The following NEGR1 variants were observed in gnomAD, a reference collection of about 807,000 sequenced individuals.
The protein encoded by NEGR1 is IgLON family member 4.
A neutral mutation model predicts 40.9 loss-of-function variants in NEGR1; 10 were observed. That is an observed-to-expected ratio of 0.24 (90% confidence interval 0.15 to 0.42). NEGR1 has a LOEUF of 0.42. Among genes scored for constraint, NEGR1 ranks in the 10% least tolerant of loss-of-function variants. NEGR1 has a pLI of 1.00. For synonymous variants in NEGR1, 185 were observed against 166.8 expected (o/e 1.11, Z -0.84); for missense variants, 352 against 438.9 (o/e 0.80, Z 1.77).
chr1:72,144,459 TG>T (rs1214034090), intron 1 of NEGR1, among the ~76,000 whole-genome samples: 2 of 93,448 alleles, frequency 2.1e-5, no homozygotes, highest in Non-Finnish European at 5.8e-5. Context: ...ACTACATATA[TG>T]CACATAAACT....
intron 1 of NEGR1, among the ~76,000 whole-genome samples, chr1:72,257,148 C>G (rs889897696): frequency 6.6e-6 from 1 of 151,712 alleles, no homozygotes; most frequent in African/African-American, 2.4e-5. Flanking sequence ...CGGTGAAACC[C>G]CGTCTCTACT....
At chr1:72,117,895 G>A (rs1391492628) in intron 1 of NEGR1, among the ~76,000 whole-genome samples, 2 of 151,656 alleles carry the variant, frequency 1.3e-5, no homozygotes, top group East Asian at 1.9e-4. Flanking sequence ...GTGGTGAAAA[G>A]TATGGCAAAG....
At chr1:72,156,412 T>C (rs1208789969) in intron 1 of NEGR1, among the ~76,000 whole-genome samples, 1 of 152,152 alleles carries the variant, frequency 6.6e-6, no homozygotes, top group Admixed American at 6.6e-5. Flanking sequence ...ACCACATTTT[T>C]GAAAGCAGTA....
chr1:71,792,392 T>C (rs1197509980), intron 2 of NEGR1, among the ~76,000 whole-genome samples: 1 of 152,166 alleles, frequency 6.6e-6, no homozygotes, highest in East Asian at 1.9e-4. Flanking sequence ...GATGGAAATA[T>C]GTTTCTCAGT....
chr1:71,752,248 T>C (rs2101688900), intron 3 of NEGR1, among the ~76,000 whole-genome samples: 1 of 152,320 alleles, frequency 6.6e-6, no homozygotes, highest in Middle Eastern at 3.4e-3. Flanking sequence ...AACATTTTCT[T>C]ACTTGCAGGC....
intron 2 of NEGR1, among the ~76,000 whole-genome samples, chr1:71,830,083 G>T (rs1269964927): frequency 6.6e-6 from 1 of 151,822 alleles, no homozygotes; most frequent in Non-Finnish European, 1.5e-5. Context: ...TCTTCCACAG[G>T]ACTCTGGGGC....
intron 4 of NEGR1, among the ~76,000 whole-genome samples, chr1:71,692,243 C>T (rs542140615): frequency 2.0e-5 from 3 of 151,744 alleles, no homozygotes; most frequent in Admixed American, 6.6e-5. Flanking sequence ...AAAGACAACT[C>T]TATGCCTTTT....
At chr1:72,143,699 T>G (rs1650769825) in intron 1 of NEGR1, among the ~76,000 whole-genome samples, 2 of 150,554 alleles carry the variant, frequency 1.3e-5, no homozygotes, top group Admixed American at 1.3e-4. Context: ...AACAGATACT[T>G]TCCACTCAAT....
intron 6 of NEGR1, among the ~76,000 whole-genome samples, chr1:71,486,137 C>T (rs1180697834): frequency 6.6e-6 from 1 of 151,626 alleles, no homozygotes; most frequent in African/African-American, 2.4e-5. Flanking sequence ...AGATTTCGGC[C>T]ATTCTAGTAA....
chr1:72,190,511 G>T (rs944544276), intron 1 of NEGR1, among the ~76,000 whole-genome samples: 2 of 151,500 alleles, frequency 1.3e-5, no homozygotes, highest in Non-Finnish European at 3.0e-5. Context: ...TAATTTTAAT[G>T]TTCCATTTTT....
At chr1:71,540,214 T>C (rs557899167) in intron 6 of NEGR1, among the ~76,000 whole-genome samples, 1 of 151,914 alleles carries the variant, frequency 6.6e-6, no homozygotes, top group East Asian at 2.0e-4. Flanking sequence ...ATAAATGTCT[T>C]AGTTTTCAGC....
chr1:71,957,273 C>T (rs1435697972), intron 1 of NEGR1, among the ~76,000 whole-genome samples: 1 of 152,050 alleles, frequency 6.6e-6, no homozygotes, highest in African/African-American at 2.4e-5. Flanking sequence ...AACTAAATGC[C>T]AGTAGCTACA....
intron 1 of NEGR1, among the ~76,000 whole-genome samples, chr1:71,986,944 A>G (rs957124998): frequency 1.3e-5 from 2 of 152,218 alleles, no homozygotes; most frequent in Non-Finnish European, 2.9e-5. Flanking sequence ...ATAATCTACA[A>G]AAGTGAAAAA....
At chr1:71,716,376 G>A (rs996277041) in intron 3 of NEGR1, among the ~76,000 whole-genome samples, 3 of 151,972 alleles carry the variant, frequency 2.0e-5, no homozygotes, top group Non-Finnish European at 4.4e-5. Context: ...TATGTAGAAA[G>A]CATTGTGGAA....
Position 72,240,694 on chromosome 1 carries a change from A to T in NEGR1, c.176+41625T>A, listed in dbSNP as rs1654704311. Among the ~76,000 whole-genome samples, 3 of 151,858 alleles carry T rather than the reference A, an allele frequency of 2.0e-5. No individual in the cohort carries two copies. The Admixed American group carries it at 2.0e-4, about 10-fold the overall frequency. ...CAAGTGTTTTGCCTGTTGATATTTCAAAGGGCCAAAAAATGGTAACATCTG... is the reference window on the plus strand; with the variant it reads ...CAAGTGTTTTGCCTGTTGATATTTCTAAGGGCCAAAAAATGGTAACATCTG... On this transcript the variant is annotated intron_variant, in intron 1 of 6. Coordinates refer to ENST00000357731, the MANE Select transcript of NEGR1 (RefSeq NM_173808.3).
At chr1:72,093,069 A>C (rs1648558014) in intron 1 of NEGR1, among the ~76,000 whole-genome samples, 1 of 152,174 alleles carries the variant, frequency 6.6e-6, no homozygotes, top group Non-Finnish European at 1.5e-5. Context: ...ACGGTGGCTC[A>C]TACCTGTAAT....
chr1:71,877,728 A>G (rs1660472332), intron 2 of NEGR1, among the ~76,000 whole-genome samples: 1 of 152,178 alleles, frequency 6.6e-6, no homozygotes, highest in Admixed American at 6.6e-5. Context: ...TATTATTTAT[A>G]CATTTTATAA....
chr1:71,864,202 G>C (rs948395222), intron 2 of NEGR1, among the ~76,000 whole-genome samples: 2 of 152,076 alleles, frequency 1.3e-5, no homozygotes, highest in African/African-American at 4.8e-5. Flanking sequence ...CCACCTCTTG[G>C]TATCACTCAT....
chr1:71,989,420 A>G (rs1393700840), intron 1 of NEGR1, among the ~76,000 whole-genome samples: 1 of 152,206 alleles, frequency 6.6e-6, no homozygotes, highest in African/African-American at 2.4e-5. Flanking sequence ...TATATGATAA[A>G]AATTAATGAG....
Sources: gnomAD v4.1 joint callset for allele counts (sites outside exome capture counted in the v4.1 genomes callset) on GRCh38, gnomAD v4.1.1 for gene constraint, MANE v1.5 for transcripts, NCBI Gene and HGNC (gene_info 2026-07-23, HGNC 2026-07-21) for gene names.